DHX9: variants seen among roughly 807,000 people sequenced by gnomAD.
DHX9 encodes DExH-box helicase 9.
A neutral mutation model predicts 148.7 loss-of-function variants in DHX9; 27 were observed. The ratio of observed to expected loss-of-function variants is 0.18; its 90% CI spans 0.13 to 0.25. The LOEUF (loss-of-function observed/expected upper bound fraction) is 0.25. Among genes scored for constraint, DHX9 ranks in the 10% least tolerant of loss-of-function variants. The pLI is 1.00. For missense variants in DHX9, 796 were observed against 1,559.6 expected, an observed-to-expected ratio of 0.51 and a Z score of 8.25; for synonymous variants, 529 against 516.6, an observed-to-expected ratio of 1.02 and a Z score of -0.33.
intron 14 of DHX9, among the ~76,000 whole-genome samples, chr1:182,870,634 C>A (rs2102611395): frequency 6.6e-6 from 1 of 152,206 alleles, no homozygotes; most frequent in South Asian, 2.1e-4. Context: ...TAACTAAGTA[C>A]AAAAATCAAT....
rs370209545 is a variant in DHX9 at position 182,887,426 on chromosome 1, G to A, written c.3805G>A (p.Gly1269Ser). The A allele has an allele frequency of 4.4e-5, 71 of 1,612,522 alleles. No individual in the cohort carries two copies. Among genetic ancestry groups the A allele is most frequent in the East Asian group, 1.6e-4 (7 of 44,862 alleles). The change falls in exon 28 of 28, where the codon GGC (glycine) becomes AGC (serine). Residue 1269 changes from glycine to serine, a missense_variant. Transcript: ENST00000367549. ...GYFGQGRGGG[G>S]Y ...CTTTGGACAGGGAAGAGGAGGTGGC[G>A]GCTATTAAAACTTGGTTATGTCAGT... is the stretch of plus-strand genomic sequence containing the variant.
Position 182,866,552 on chromosome 1 carries a change from C to T in DHX9, c.1441C>T (p.Arg481Cys). ...CGTTCGATTTGAGTCTATACTTCCTCGTCCTCATGCCAGTATAATGTTTTG... is the reference window on the plus strand; with the variant it reads ...CGTTCGATTTGAGTCTATACTTCCTTGTCCTCATGCCAGTATAATGTTTTG... ...YSVRFESILP[R>C]PHASIMFCTV... Residue 481 changes from arginine to cysteine, a missense_variant, in exon 13 of 28, where the codon CGT becomes TGT. Physicochemically the swap from Arg to Cys is radical, Grantham distance 180. This residue lies in a region of DHX9 where 58 missense variants were observed against 122.8 expected (regional missense o/e 0.47). Coordinates refer to ENST00000367549, the MANE Select transcript of DHX9 (RefSeq NM_001357.5). 2.5e-6 allele frequency: 4 copies of T among 1,614,128 alleles called. No individual in the cohort carries two copies. Among genetic ancestry groups the T allele is most frequent in the South Asian group, 1.1e-5 (1 of 91,072 alleles).
rs1557981203 is a variant in DHX9, at chr1:182,884,556, A to G, written c.3261-57A>G. 1.2e-5 allele frequency: 17 copies of G among 1,448,164 alleles called. No individual in the cohort carries two copies. In the South Asian group the frequency reaches 1.9e-4, roughly 16 times the overall value. The allele number at this position is 1,448,164 out of a possible 1,614,324, so 89.7% of individuals were successfully genotyped here. A position where few individuals can be genotyped will look rare whatever the true frequency, so the allele number is the denominator to read the frequency against. ...GTGCCATGTGTGAAGTTGAGAGATA[A>G]TGGTCTTTTTCTACATATACTCCCT... On this transcript the variant is annotated intron_variant, in intron 26 of 27. Coordinates refer to ENST00000367549, the MANE Select transcript of DHX9 (RefSeq NM_001357.5).
At chr1:182,883,417 C>G in intron 25 of DHX9, 49 bp downstream of exon 25, 1 of 1,586,228 alleles carries the variant, frequency 6.3e-7, no homozygotes, top group Non-Finnish European at 8.7e-7. Flanking sequence ...ATTGTCTTTA[C>G]AATCATTAGG....
At chr1:182,879,575 A>C (rs7536061) in intron 21 of DHX9, among the ~76,000 whole-genome samples, 165 bp downstream of exon 21, 1 of 152,154 alleles carries the variant, frequency 6.6e-6, no homozygotes, top group African/African-American at 2.4e-5. Flanking sequence ...TAGTATAGTC[A>C]CTGTTCTAAT....
chr1:182,875,202 G>A (rs1257723377), intron 16 of DHX9: 2 of 512,728 alleles, frequency 3.9e-6, no homozygotes, highest in African/African-American at 1.9e-5. Flanking sequence ...GAAAGAATGC[G>A]ATGTTTAAAG....
intron 19 of DHX9, 80 bp from the exon 20 acceptor site, chr1:182,877,941 A>G: frequency 2.7e-6 from 4 of 1,464,502 alleles, no homozygotes; most frequent in Non-Finnish European, 2.8e-6. Flanking sequence ...CATAGTGGAA[A>G]GCATTCACTA....
chr1:182,887,473 A>G lies in DHX9; in HGVS notation c.*39A>G, dbSNP rs751506349. ...CAGTTCCTGTGTGTAGACAGTAAGG[A>G]AAAAAAGGCATGCTATGTGTTACGT... is the stretch of plus-strand genomic sequence containing the variant. On this transcript the variant is annotated 3_prime_UTR_variant, in exon 28 of 28. Transcript: ENST00000367549. 5 of 1,533,004 alleles carry G rather than the reference A, an allele frequency of 3.3e-6. No homozygotes were observed. Among genetic ancestry groups the G allele is most frequent in the East Asian group, 4.5e-5 (2 of 44,010 alleles). The allele number at this position is 1,533,004 out of a possible 1,614,324, so 95.0% of individuals were successfully genotyped here. A position where few individuals can be genotyped will look rare whatever the true frequency, so the allele number is the denominator to read the frequency against.
chr1:182,880,366 G>A (rs1649032298), intron 21 of DHX9, 131 bp from the exon 22 acceptor site: 3 of 557,942 alleles, frequency 5.4e-6, no homozygotes, highest in Middle Eastern at 9.4e-4. Context: ...GTTGGCCGTA[G>A]ACATGGTATT....
chr1:182,853,471 TA>T, intron 5 of DHX9, 53 bp downstream of exon 5: 1 of 1,360,038 alleles, frequency 7.4e-7, no homozygotes, highest in Non-Finnish European at 1.0e-6. Flanking sequence ...GGGACTTAGT[TA>T]ACAGCAAAGC....
At chr1:182,870,007 T>A (rs1648490499) in intron 14 of DHX9, among the ~76,000 whole-genome samples, 1 of 152,202 alleles carries the variant, frequency 6.6e-6, no homozygotes, top group African/African-American at 2.4e-5. Flanking sequence ...ATAATAGAAT[T>A]TAACAGTCTG....
chr1:182,871,513 C>T (rs898717930), intron 14 of DHX9, among the ~76,000 whole-genome samples: 2 of 152,192 alleles, frequency 1.3e-5, no homozygotes, highest in African/African-American at 2.4e-5. Context: ...CTTGGCAATT[C>T]CATACCCATG....
chr1:182,857,584 T>G (rs1668278863), intron 7 of DHX9, among the ~76,000 whole-genome samples: 1 of 152,234 alleles, frequency 6.6e-6, no homozygotes, highest in African/African-American at 2.4e-5. Context: ...GTCCTATGGT[T>G]TATCAAACTC....
chr1:182,842,082 G>A (rs748544049), intron 1 of DHX9, among the ~76,000 whole-genome samples: 14 of 152,096 alleles, frequency 9.2e-5, no homozygotes, highest in Non-Finnish European at 1.8e-4. Flanking sequence ...TTGAATTTAG[G>A]CCTCCACGGT....
At chr1:182,852,721 C>T (rs1194492312) in intron 4 of DHX9, among the ~76,000 whole-genome samples, 1 of 152,126 alleles carries the variant, frequency 6.6e-6, no homozygotes, top group Non-Finnish European at 1.5e-5. Context: ...TACAGTAGGT[C>T]CTTGAATAAC....
rs894910960 is a variant in DHX9 at position 182,839,381 on chromosome 1, G to C, written c.-98G>C. On this transcript the variant is annotated 5_prime_UTR_variant, in exon 1 of 28. Coordinates refer to ENST00000367549, the MANE Select transcript of DHX9 (RefSeq NM_001357.5). ...CCGATTCCTCCATGCGAGTTGCTGT[G>C]CGTTTCTCTGTTGTCTCGGTAGAAG... 1 of 152,370 alleles carries C rather than the reference G, an allele frequency of 6.6e-6. No homozygotes were observed. The highest frequency in any genetic ancestry group is 2.1e-4 in the South Asian group (1 of 4,838). 9.4% of individuals were successfully genotyped at this position (152,370 alleles called of 1,614,324 possible).
At chr1:182,875,783 T>C (rs1376388063) in intron 16 of DHX9, among the ~76,000 whole-genome samples, 1 of 152,174 alleles carries the variant, frequency 6.6e-6, no homozygotes, top group African/African-American at 2.4e-5. Context: ...CTCAGAAGGC[T>C]CCATGAGAGT....
intron 11 of DHX9, among the ~76,000 whole-genome samples, chr1:182,859,340 A>G (rs910899048): frequency 6.6e-6 from 1 of 152,186 alleles, no homozygotes; most frequent in African/African-American, 2.4e-5. Context: ...GGAGAGATTT[A>G]AGGCAGTGAC....
At chr1:182,866,093 C>T (rs1013847890) in intron 12 of DHX9, among the ~76,000 whole-genome samples, 1 of 152,156 alleles carries the variant, frequency 6.6e-6, no homozygotes, top group African/African-American at 2.4e-5. Context: ...CTTCCTGATT[C>T]CCATAGGTCT....
Sources: allele counts gnomAD v4.1 joint callset (sites outside exome capture counted in the v4.1 genomes callset), GRCh38; gene constraint gnomAD v4.1.1; regional missense constraint gnomAD v4.1.1; transcripts MANE v1.5; gene names NCBI Gene and HGNC (gene_info 2026-07-23, HGNC 2026-07-21).